Variants in IL17D observed in about 807,000 individuals in gnomAD.
IL17D encodes the protein interleukin-17D.
IL17D carries 10 observed loss-of-function variants against 5.7 expected under a neutral mutation model. That is an observed-to-expected ratio of 1.75 (90% CI 1.08 to 2.97). IL17D has a LOEUF of 2.97. IL17D is among the 30% of genes most tolerant of loss of function. The probability of loss-of-function intolerance (pLI) is 0.00; values close to 1 mark genes in which losing one functional copy is unlikely to be tolerated. For missense variants in IL17D, 354 were observed against 292.7 expected (o/e 1.21, Z -1.53); for synonymous variants, 172 against 141.7 (o/e 1.21, Z -1.52).
At position 20,721,737 on chromosome 13, in the gene IL17D, T is replaced by C. The variant is rs774917131; in HGVS notation, c.392T>C (p.Phe131Ser). 1 of 1,610,770 alleles carries C rather than the reference T, an allele frequency of 6.2e-7. No homozygotes were observed. Among genetic ancestry groups the C allele is most frequent in the South Asian group, 1.1e-5 (1 of 91,018 alleles). ...CTGTTCGGCGAGGAGGACGTGCGCT[T>C]CCGCAGCGCCCCTGTCTACATGCCC... is the stretch of plus-strand genomic sequence containing the variant. ...TGLFGEEDVR[F>S]RSAPVYMPTV... The change falls in exon 2 of 2, where the codon TTC becomes TCC. Residue 131 changes from phenylalanine (F) to serine (S), a missense_variant. Coordinates refer to ENST00000682841, the MANE Select transcript of IL17D (RefSeq NM_001385224.1).
At chr13:20,714,367 C>G (rs563761292) in intron 1 of IL17D, among the ~76,000 whole-genome samples, 47 of 152,350 alleles carry the variant, frequency 3.1e-4, no homozygotes, top group Admixed American at 2.9e-3. Flanking sequence ...ACAAACCGCA[C>G]ACCGCATCTG....
At chr13:20,714,304 TC>T (rs1446723515) in intron 1 of IL17D, among the ~76,000 whole-genome samples, 3 of 152,340 alleles carry the variant, frequency 2.0e-5, no homozygotes, top group African/African-American at 7.2e-5. Flanking sequence ...TAAATGGATT[TC>T]CTTGTTGTAG....
upstream of IL17D, chr13:20,703,499 C>G: frequency 5.6e-6 from 5 of 898,354 alleles, no homozygotes; most frequent in Non-Finnish European, 6.7e-6. Flanking sequence ...GCGGACCCTG[C>G]GCGGGCTGGC....
At chr13:20,709,945 T>C (rs1006425334) in intron 1 of IL17D, among the ~76,000 whole-genome samples, 3 of 152,148 alleles carry the variant, frequency 2.0e-5, no homozygotes, top group Non-Finnish European at 2.9e-5. Context: ...TCAGAGTTCC[T>C]GCGACTCCAT....
intron 1 of IL17D, among the ~76,000 whole-genome samples, chr13:20,712,093 C>G (rs146279275): frequency 6.6e-6 from 1 of 152,236 alleles, no homozygotes; most frequent in African/African-American, 2.4e-5. Context: ...CAAATATTGT[C>G]TAGGGGCTGG....
At chr13:20,706,151 C>G (rs1490509917) in intron 1 of IL17D, among the ~76,000 whole-genome samples, 1 of 152,066 alleles carries the variant, frequency 6.6e-6, no homozygotes, top group Non-Finnish European at 1.5e-5. Flanking sequence ...TGGGTGGGAC[C>G]CCTCCCGCCC....
At position 20,703,935 on chromosome 13, in the gene IL17D, G is replaced by A; in HGVS notation, c.-67G>A. The A allele has an allele frequency of 1.1e-6, 1 of 905,544 alleles. No individual in the cohort carries two copies. Among genetic ancestry groups the A allele is most frequent in the East Asian group, 1.2e-4 (1 of 8,626 alleles). The allele number at this position is 905,544 out of a possible 1,614,324, so 56.1% of individuals were successfully genotyped here. ...TCCGGGCGCCGCGGGCGGGACACGGGCGCGGGGCGCAGGCGGGCTCCTCCG... is the reference window on the plus strand; with the variant it reads ...TCCGGGCGCCGCGGGCGGGACACGGACGCGGGGCGCAGGCGGGCTCCTCCG... On this transcript the variant is annotated 5_prime_UTR_variant, in exon 1 of 2. Transcript: ENST00000682841.
At chr13:20,708,974 AAAAAG>A (rs1384365115) in intron 1 of IL17D, among the ~76,000 whole-genome samples, 10 of 144,606 alleles carry the variant, frequency 6.9e-5, no homozygotes, top group African/African-American at 1.0e-4. Flanking sequence ...AAAAAAAAAA[AAAAAG>A]AAAGAAAGAA....
At chr13:20,720,188 C>G (rs1006371177) in intron 1 of IL17D, among the ~76,000 whole-genome samples, 1 of 152,142 alleles carries the variant, frequency 6.6e-6, no homozygotes, top group African/African-American at 2.4e-5. Flanking sequence ...AGTCGGTGTA[C>G]TCTGCTCTCC....
At chr13:20,712,102 G>A (rs2058642624) in intron 1 of IL17D, among the ~76,000 whole-genome samples, 1 of 152,232 alleles carries the variant, frequency 6.6e-6, no homozygotes, top group South Asian at 2.1e-4. Context: ...TCTAGGGGCT[G>A]GTGGGCAGGC....
chr13:20,703,604 G>A, upstream of IL17D: 1 of 196,462 alleles, frequency 5.1e-6, no homozygotes, highest in Non-Finnish European at 9.2e-6. Context: ...CGCTGGCGGC[G>A]GAGCAGGGAT....
intron 1 of IL17D, among the ~76,000 whole-genome samples, chr13:20,715,805 G>A (rs2058674653): frequency 1.3e-5 from 2 of 152,004 alleles, no homozygotes. Context: ...GTGCAGTGGC[G>A]TGATCATGGC....
intron 1 of IL17D, chr13:20,713,288 A>G (rs1199294123): frequency 6.6e-6 from 1 of 152,192 alleles, no homozygotes; most frequent in African/African-American, 2.4e-5. Context: ...GTTCATCCTC[A>G]TTCATTCTTG....
chr13:20,702,692 C>T (rs1345495842), upstream of IL17D: 7 of 152,150 alleles, frequency 4.6e-5, no homozygotes, highest in Non-Finnish European at 8.8e-5. Context: ...GGAGTAGGAA[C>T]TCTCCAACAT....
chr13:20,703,100 C>A (rs2058557279), upstream of IL17D: 1 of 171,826 alleles, frequency 5.8e-6, no homozygotes, highest in Non-Finnish European at 1.2e-5. Flanking sequence ...CCAGTCGGGC[C>A]CGCACCCGCG....
chr13:20,708,871 G>T, intron 1 of IL17D, among the ~76,000 whole-genome samples: 1 of 137,870 alleles, frequency 7.3e-6, no homozygotes, highest in Non-Finnish European at 1.6e-5. Flanking sequence ...TTAGCCAGGA[G>T]TGGTGGTGGG....
upstream of IL17D, chr13:20,703,251 A>G: frequency 1.0e-6 from 1 of 985,666 alleles, no homozygotes; most frequent in Non-Finnish European, 1.2e-6. Context: ...TCCGCTCAAG[A>G]GCCGCCGCGT....
chr13:20,722,048 A>T lies in IL17D; in HGVS notation c.*94A>T, dbSNP rs552184855. On this transcript the variant is annotated 3_prime_UTR_variant, in exon 2 of 2. Coordinates refer to ENST00000682841, the MANE Select transcript of IL17D (RefSeq NM_001385224.1). The stretch of plus-strand genomic sequence containing the variant: ...GGCTCGGTCGGCGACCTCTGAAGAG[A>T]GTGCACCGAGCAAACCAAGTGCCGG... 1.9e-6 allele frequency: 2 copies of T among 1,080,838 alleles called. No homozygotes were observed. Among genetic ancestry groups the T allele is most frequent in the South Asian group, 1.7e-5 (1 of 59,694 alleles). The allele number at this position is 1,080,838 out of a possible 1,614,324, so 67.0% of individuals were successfully genotyped here.
At chr13:20,710,300 C>T (rs1405785291) in intron 1 of IL17D, among the ~76,000 whole-genome samples, 7 of 151,870 alleles carry the variant, frequency 4.6e-5, no homozygotes, top group Non-Finnish European at 1.0e-4. Context: ...TTAAGATATA[C>T]GTCATTCATT....
Sources: gnomAD v4.1 joint callset for allele counts (sites outside exome capture counted in the v4.1 genomes callset) on GRCh38, gnomAD v4.1.1 for gene constraint, MANE v1.5 for transcripts, NCBI Gene and HGNC (gene_info 2026-07-23, HGNC 2026-07-21) for gene names.